URB2: variants seen among roughly 807,000 people sequenced by gnomAD.
URB2 encodes URB2 ribosome biogenesis homolog, also known as unhealthy ribosome biogenesis protein 2 homolog.
URB2 carries 86 observed loss-of-function variants against 120.9 expected under a neutral mutation model. The ratio of observed to expected loss-of-function variants is 0.71; its 90% CI spans 0.60 to 0.85. The LOEUF (loss-of-function observed/expected upper bound fraction) is 0.85. URB2 is among the 40% of genes least tolerant of loss of function. URB2 has a pLI of 0.00. For synonymous variants in URB2, 755 were observed against 758.4 expected (o/e 1.00, Z 0.07); for missense variants, 1,765 against 1,836.5 (o/e 0.96, Z 0.71).
rs1665886532 is a variant in URB2 at position 229,637,774 on chromosome 1, A to C, written c.3161A>C (p.Gln1054Pro). ...QLENQNPQGRQLLLVSLTRLC... is the reference protein window; with the variant it reads ...QLENQNPQGRPLLLVSLTRLC... ...GAAAATCAGAACCCCCAGGGCAGGC[A>C]GCTCCTTCTGGTGTCTTTAACCAGG... Residue 1054 changes from glutamine (Q) to proline (P), a missense_variant, in exon 4 of 10, where the codon CAG becomes CCG. Coordinates refer to ENST00000258243, the MANE Select transcript of URB2 (RefSeq NM_014777.4). 6.2e-7 allele frequency: 1 copy of C among 1,613,988 alleles called. No individual in the cohort carries two copies. The highest frequency in any genetic ancestry group is 1.3e-5 in the African/African-American group (1 of 74,960).
At chr1:229,640,373 CCAAA>C (rs1002630251) in intron 4 of URB2, among the ~76,000 whole-genome samples, 27 of 152,244 alleles carry the variant, frequency 1.8e-4, no homozygotes, top group African/African-American at 4.8e-4. Flanking sequence ...TTTACTCCTC[CCAAA>C]CAAACAGTTA....
At chr1:229,633,870 C>T (rs1029595505) in intron 3 of URB2, among the ~76,000 whole-genome samples, 1 of 152,182 alleles carries the variant, frequency 6.6e-6, no homozygotes, top group African/African-American at 2.4e-5. Context: ...GAGTCTCTGT[C>T]ACCCAGGCTG....
At chr1:229,644,475 T>C (rs1472130509) in intron 5 of URB2, among the ~76,000 whole-genome samples, 1 of 152,168 alleles carries the variant, frequency 6.6e-6, no homozygotes, top group Non-Finnish European at 1.5e-5. Flanking sequence ...CACTGAAGAA[T>C]GCAGGGGACT....
chr1:229,630,675 C>T (rs1040433799), intron 2 of URB2, among the ~76,000 whole-genome samples: 3 of 152,120 alleles, frequency 2.0e-5, no homozygotes, highest in African/African-American at 7.2e-5. Context: ...GCATTGACTT[C>T]TCTTCTCTAG....
intron 4 of URB2, among the ~76,000 whole-genome samples, chr1:229,642,161 C>T (rs937435855): frequency 3.3e-5 from 5 of 152,132 alleles, no homozygotes; most frequent in African/African-American, 7.2e-5. Context: ...CGCCATAAAG[C>T]GAACCAGAGC....
At chr1:229,648,792 A>G (rs183253273) in intron 7 of URB2, among the ~76,000 whole-genome samples, 21 of 152,328 alleles carry the variant, frequency 1.4e-4, no homozygotes, top group African/African-American at 4.8e-4. Context: ...CATAGATACG[A>G]CGGTTAATGC....
At chr1:229,644,666 C>A (rs983962688) in intron 5 of URB2, among the ~76,000 whole-genome samples, 1 of 151,880 alleles carries the variant, frequency 6.6e-6, no homozygotes, top group African/African-American at 2.4e-5. Flanking sequence ...GGAGATGGGG[C>A]TTTGGGGTGT....
chr1:229,653,637 C>G (rs1327907793), intron 8 of URB2, among the ~76,000 whole-genome samples: 2 of 152,122 alleles, frequency 1.3e-5, no homozygotes, highest in East Asian at 3.9e-4. Context: ...AATTAGGATT[C>G]TTGGGAGGAG....
chr1:229,634,528 A>G (rs1226079039), intron 3 of URB2, among the ~76,000 whole-genome samples: 1 of 152,182 alleles, frequency 6.6e-6, no homozygotes, highest in Non-Finnish European at 1.5e-5. Context: ...TTTGGACCAC[A>G]AGATCATAAT....
intron 4 of URB2, among the ~76,000 whole-genome samples, chr1:229,640,566 A>T (rs772320687): frequency 3.9e-5 from 6 of 152,196 alleles, no homozygotes; most frequent in Non-Finnish European, 5.9e-5. Flanking sequence ...AGCACACCTT[A>T]ACCTCTGTGT....
In URB2 at chr1:229,637,475, G is replaced by A. The variant is rs1172472943; in HGVS notation, c.2862G>A (p.Lys954=). 4 of 1,614,160 alleles carry A rather than the reference G, an allele frequency of 2.5e-6. No individual in the cohort carries two copies. The South Asian group carries it at 3.3e-5, about 13-fold the overall frequency. The change falls in exon 4 of 10, where the codon AAG becomes AAA. Residue 954 remains lysine, a synonymous_variant. Coordinates refer to ENST00000258243, the MANE Select transcript of URB2 (RefSeq NM_014777.4). ...ACCAACTTCTTGGTTACTTGCAAAA[G>A]GGGAAAAGTGCTCGCTCTGTGTTCA... ...TCYQLLGYLQ[K]GKSARSVFKI...
At chr1:229,649,914 C>A (rs1017509279) in intron 7 of URB2, among the ~76,000 whole-genome samples, 2 of 152,092 alleles carry the variant, frequency 1.3e-5, no homozygotes, top group African/African-American at 4.8e-5. Context: ...AGTGTGAACC[C>A]AGATAGTTCC....
chr1:229,641,262 C>T (rs61825537), intron 4 of URB2, among the ~76,000 whole-genome samples: 15,353 of 152,168 alleles, frequency 0.1, 986 homozygotes, highest in Non-Finnish European at 0.14. Context: ...GTCTGCCTGC[C>T]TCAGCCTCCG....
At position 229,636,449 on chromosome 1, in the gene URB2, T is replaced by A; in HGVS notation, c.1836T>A (p.Thr612=). Residue 612 remains threonine (T), a synonymous_variant, in exon 4 of 10, where the codon ACT becomes ACA. Transcript: ENST00000258243. ...ACTCTGTGCTCCTGCTCTCTTACAC[T>A]TGGGCCCAGGTGGACGCTATGTTCA... ...VSDSVLLLSY[T]WAQVDAMFSL... 2 of 1,614,228 alleles carry A rather than the reference T, an allele frequency of 1.2e-6. No homozygotes were observed. The highest frequency in any genetic ancestry group is 2.2e-5 in the South Asian group (2 of 91,078).
In URB2 at chr1:229,637,235, AC is replaced by A; in HGVS notation, c.2623del (p.Leu875CysfsTer26). On this transcript the variant is annotated frameshift_variant, in exon 4 of 10. Transcript: ENST00000258243. LOFTEE classifies it high-confidence loss of function. ...CTAGAGGAGAAATTGCCCAGAACTT[AC>A]TGTCCCTGGTCAAGAGTGACTTCCC... Reference protein sequence around the residue: ...EPRGEIAQNLLSLVKSDFPIQ... With the variant: ...EPRGEIAQNLXSLVKSDFPIQ... The A allele has an allele frequency of 6.2e-7, 1 of 1,613,862 alleles. No homozygotes were observed. The highest frequency in any genetic ancestry group is 1.1e-5 in the South Asian group (1 of 91,054).
At chr1:229,653,130 G>A (rs142769102) in intron 8 of URB2, among the ~76,000 whole-genome samples, 5 of 152,248 alleles carry the variant, frequency 3.3e-5, no homozygotes, top group African/African-American at 1.2e-4. Flanking sequence ...AGATATTAAA[G>A]CATATCACTA....
chr1:229,645,857 A>C lies in URB2; in HGVS notation c.3796-2A>C. The C allele has an allele frequency of 6.2e-7, 1 of 1,613,884 alleles. No homozygotes were observed. The highest frequency in any genetic ancestry group is 2.2e-5 in the East Asian group (1 of 44,878). On this transcript the variant is annotated splice_acceptor_variant, in intron 5 of 9. Coordinates refer to ENST00000258243, the MANE Select transcript of URB2 (RefSeq NM_014777.4). LOFTEE classifies it high-confidence loss of function. ...CGCTAAGTTTTTTCTCTCTTGCCCC[A>C]GGCTGTTGTGTCAGCTGTTACACTG...
Position 229,637,558 on chromosome 1 carries a change from G to A in URB2, c.2945G>A (p.Ser982Asn), listed in dbSNP as rs755999299. 6 of 1,613,566 alleles carry A rather than the reference G, an allele frequency of 3.7e-6. No homozygotes were observed. The highest frequency in any genetic ancestry group is 5.1e-6 in the Non-Finnish European group (6 of 1,179,946). The change falls in exon 4 of 10, where the codon AGT becomes AAT. Residue 982 changes from serine (S) to asparagine (N), a missense_variant. Transcript: ENST00000258243. ...EVVLTSLFRA[S>N]SRFLIEMDDP... The stretch of plus-strand genomic sequence containing the variant: ...GTACTGACCTCATTGTTCAGAGCTA[G>A]TAGTAGGTTCCTTATTGAGATGGAT...
chr1:229,639,336 CT>C (rs200235230), intron 4 of URB2, among the ~76,000 whole-genome samples: 185 of 135,070 alleles, frequency 1.4e-3, no homozygotes, highest in Admixed American at 1.6e-3. Flanking sequence ...CACTTAATTT[CT>C]TTTTTTTTTT....
Sources: allele counts gnomAD v4.1 joint callset (sites outside exome capture counted in the v4.1 genomes callset), GRCh38; gene constraint gnomAD v4.1.1; transcripts MANE v1.5; gene names NCBI Gene and HGNC (gene_info 2026-07-23, HGNC 2026-07-21).